Variants in CD34 observed in about 807,000 individuals in gnomAD.
CD34 encodes the protein CD34 molecule, also known as hematopoietic progenitor cell antigen CD34.
In CD34, 34 loss-of-function variants were observed where a neutral mutation model predicts 40.1. That is an observed-to-expected ratio of 0.85 (90% CI 0.65 to 1.13). The LOEUF (loss-of-function observed/expected upper bound fraction) is 1.13. Ranked by LOEUF, CD34 falls within the 50% of genes most tolerant of loss-of-function variation. The pLI is 0.00. For synonymous variants in CD34, 209 were observed against 190.0 expected, an observed-to-expected ratio of 1.10 and a Z score of -0.82; for missense variants, 426 against 466.9, an observed-to-expected ratio of 0.91 and a Z score of 0.81.
At chr1:207,910,898 GT>G (rs1662498128) in intron 1 of CD34, 103 bp downstream of exon 1, 2 of 1,190,946 alleles carry the variant, frequency 1.7e-6, no homozygotes, top group Non-Finnish European at 2.4e-6. Context: ...TTGGGCAGGG[GT>G]CCCTTCCCTC....
Position 207,881,659 on chromosome 1 carries a change from C to CAAAAAAAA in CD34, c.*6071_*6078dup, listed in dbSNP as rs58259152. ...TGGGTGACAGAGCGAGACTCCGTCTCAAAAAAAAAAAAAAAAAAAAAGAAT... is the reference window on the plus strand; with the variant it reads ...TGGGTGACAGAGCGAGACTCCGTCTCAAAAAAAAAAAAAAAAAAAAAAAAAAAAAGAAT... On this transcript the variant is annotated 3_prime_UTR_variant, in exon 8 of 8. Coordinates refer to ENST00000310833, the MANE Select transcript of CD34 (RefSeq NM_001025109.2). The CAAAAAAAA allele has an allele frequency of 4.3e-5, 3 of 68,984 alleles. No individual in the cohort carries two copies. The highest frequency in any genetic ancestry group is 1.1e-4 in the African/African-American group (2 of 18,574). 4.3% of individuals were successfully genotyped at this position (68,984 alleles called of 1,614,324 possible).
intron 7 of CD34, 57 bp from the exon 8 acceptor site, chr1:207,887,980 G>C: frequency 7.2e-7 from 1 of 1,393,234 alleles, no homozygotes; most frequent in Middle Eastern, 2.0e-4. Flanking sequence ...TGAGACACTG[G>C]ATGGGAGAGG....
At chr1:207,907,842 T>C (rs889785442) in intron 1 of CD34, among the ~76,000 whole-genome samples, 1 of 152,184 alleles carries the variant, frequency 6.6e-6, no homozygotes, top group Non-Finnish European at 1.5e-5. Flanking sequence ...CACAAAAATA[T>C]GGAATTCTCA....
chr1:207,905,643 CT>C (rs1365548013), intron 1 of CD34, among the ~76,000 whole-genome samples: 5 of 152,190 alleles, frequency 3.3e-5, no homozygotes, highest in East Asian at 1.9e-4. Flanking sequence ...TTGAGCACCC[CT>C]AATCTGAAAA....
At chr1:207,888,930 A>G (rs1661969478) in intron 6 of CD34, 84 bp from the exon 7 acceptor site, 7 of 1,335,608 alleles carry the variant, frequency 5.2e-6, no homozygotes, top group South Asian at 1.3e-5. Flanking sequence ...GTGTGACTCA[A>G]CAGTGAACAG....
chr1:207,900,850 A>G (rs539772331), intron 1 of CD34, among the ~76,000 whole-genome samples: 1 of 152,308 alleles, frequency 6.6e-6, no homozygotes, highest in South Asian at 2.1e-4. Flanking sequence ...TTTTCTGGCT[A>G]CCTTACATGG....
chr1:207,896,244 C>T (rs1469019938), intron 4 of CD34, among the ~76,000 whole-genome samples: 2 of 152,214 alleles, frequency 1.3e-5, no homozygotes, highest in African/African-American at 4.8e-5. Flanking sequence ...ACCACTCTTT[C>T]CTTCACCTCA....
At position 207,906,529 on chromosome 1, in the gene CD34, G is replaced by T. The variant is rs139753046; in HGVS notation, c.79+4473C>A. ...GTGGCCTGAGGGTTCCCAGTGTACC[G>T]AGATTTCTGTTTTATATTCAAATAG... On this transcript the variant is annotated intron_variant, in intron 1 of 7. Transcript: ENST00000310833. Among the ~76,000 whole-genome samples the T allele has an allele frequency of 1.2e-3, 186 of 152,198 alleles. 1 individual carries two copies. The highest frequency in any genetic ancestry group is 4.1e-3 in the African/African-American group (172 of 41,544).
At chr1:207,888,592 G>A in intron 7 of CD34, 90 bp downstream of exon 7, 1 of 1,283,900 alleles carries the variant, frequency 7.8e-7, no homozygotes. Context: ...GCTTTTTCTA[G>A]TATTTCTCCT....
At chr1:207,888,112 C>A (rs757896830) in intron 7 of CD34, 189 bp from the exon 8 acceptor site, 26 of 1,613,950 alleles carry the variant, frequency 1.6e-5, no homozygotes, top group Non-Finnish European at 2.1e-5. Context: ...GGTCAGGGTT[C>A]CAGCTCCTAG....
In CD34 at chr1:207,883,308, T is replaced by C. The variant is rs1661839309; in HGVS notation, c.*4430A>G. The C allele has an allele frequency of 6.6e-6, 1 of 152,222 alleles. No individual in the cohort carries two copies. The highest frequency in any genetic ancestry group is 6.5e-5 in the Admixed American group (1 of 15,284). 9.4% of individuals were successfully genotyped at this position (152,222 alleles called of 1,614,324 possible). ...TCCTTACTCATTACTATCATCAAAA[T>C]CGTATTCATTTTTACAGGACCCACT... On this transcript the variant is annotated 3_prime_UTR_variant, in exon 8 of 8. Transcript: ENST00000310833.
chr1:207,888,214 G>T, intron 7 of CD34: 1 of 1,298,734 alleles, frequency 7.7e-7, no homozygotes, highest in Non-Finnish European at 1.1e-6. Flanking sequence ...AGAAGGGTGG[G>T]ATGACCTCCC....
chr1:207,895,114 T>G (rs2102299266), intron 4 of CD34, among the ~76,000 whole-genome samples: 1 of 152,312 alleles, frequency 6.6e-6, no homozygotes, highest in South Asian at 2.1e-4. Flanking sequence ...CTTAAGGCCC[T>G]CTGACACCGA....
intron 3 of CD34, 98 bp downstream of exon 3, chr1:207,898,875 C>T (rs1358611763): frequency 1.6e-6 from 2 of 1,290,156 alleles, no homozygotes; most frequent in African/African-American, 2.9e-5. Context: ...CCAAATCCCA[C>T]TGGCAGGGAT....
At chr1:207,910,253 A>T (rs1032146298) in intron 1 of CD34, among the ~76,000 whole-genome samples, 1 of 152,084 alleles carries the variant, frequency 6.6e-6, no homozygotes, top group Non-Finnish European at 1.5e-5. Flanking sequence ...AAAACTCCAA[A>T]AGGTGACAAG....
rs932838106 is a variant in CD34 at position 207,881,869 on chromosome 1, C to T, written c.*5869G>A. The T allele has an allele frequency of 6.6e-6, 1 of 151,890 alleles. No individual in the cohort carries two copies. Among genetic ancestry groups the T allele is most frequent in the African/African-American group, 2.4e-5 (1 of 41,338 alleles). 9.4% of individuals were successfully genotyped at this position (151,890 alleles called of 1,614,324 possible). ...TAAACAAATTAATAAATAAAATTTT[C>T]TCAATTTTAATTTTTGAAACAGTAA... On this transcript the variant is annotated 3_prime_UTR_variant, in exon 8 of 8. Transcript: ENST00000310833.
chr1:207,910,709 C>A (rs1662491277), intron 1 of CD34, among the ~76,000 whole-genome samples: 1 of 152,124 alleles, frequency 6.6e-6, no homozygotes, highest in Non-Finnish European at 1.5e-5. Flanking sequence ...CCAGAAGAGA[C>A]CCTGGCATCT....
intron 4 of CD34, among the ~76,000 whole-genome samples, chr1:207,896,829 A>G (rs1296772460): frequency 6.6e-6 from 1 of 152,182 alleles, no homozygotes; most frequent in Non-Finnish European, 1.5e-5. Context: ...ATACTGTAGT[A>G]AAAACATACA....
intron 4 of CD34, chr1:207,890,632 C>T (rs1662012672): frequency 6.6e-6 from 1 of 152,220 alleles, no homozygotes; most frequent in African/African-American, 2.4e-5. Flanking sequence ...TGCTCCTACA[C>T]AAAGCAAGGT....
Sources: allele counts gnomAD v4.1 joint callset (sites outside exome capture counted in the v4.1 genomes callset), GRCh38; gene constraint gnomAD v4.1.1; transcripts MANE v1.5; gene names NCBI Gene and HGNC (gene_info 2026-07-23, HGNC 2026-07-21).